The following CTNND2 variants were observed in gnomAD, a reference collection of about 807,000 sequenced individuals.
CTNND2 encodes the protein catenin delta 2, also known as catenin delta-2.
A neutral mutation model predicts 144.4 loss-of-function variants in CTNND2; 22 were observed. That is an observed-to-expected ratio of 0.15 (90% CI 0.11 to 0.22). The LOEUF is 0.22. Among genes scored for constraint, CTNND2 ranks in the 10% least tolerant of loss-of-function variants. The pLI is 1.00. For missense variants in CTNND2, 1,353 were observed against 1,618.8 expected (o/e 0.84, Z 2.82); for synonymous variants, 751 against 695.6 (o/e 1.08, Z -1.25).
intron 9 of CTNND2, among the ~76,000 whole-genome samples, chr5:11,243,046 T>A (rs1742623303): frequency 1.3e-5 from 2 of 152,362 alleles, no homozygotes; most frequent in African/African-American, 4.8e-5. Context: ...ATCTATGTAA[T>A]ACCGCTGAAG....
chr5:11,836,346 T>A (rs577617596), intron 1 of CTNND2, among the ~76,000 whole-genome samples: 1 of 152,260 alleles, frequency 6.6e-6, no homozygotes, highest in East Asian at 1.9e-4. Flanking sequence ...CTGAGAAAAC[T>A]TGAGAATTAG....
intron 6 of CTNND2, among the ~76,000 whole-genome samples, chr5:11,392,587 T>C (rs1232558145): frequency 1.3e-5 from 2 of 152,200 alleles, no homozygotes; most frequent in Non-Finnish European, 2.9e-5. Flanking sequence ...GTTTCCATTA[T>C]TGAAGCCAAA....
chr5:11,834,342 A>G (rs1400186583), intron 1 of CTNND2, among the ~76,000 whole-genome samples: 1 of 152,202 alleles, frequency 6.6e-6, no homozygotes, highest in Non-Finnish European at 1.5e-5. Flanking sequence ...GATCTTTTCT[A>G]TGCATTCTAA....
intron 9 of CTNND2, among the ~76,000 whole-genome samples, chr5:11,239,214 C>T (rs1356078948): frequency 1.3e-5 from 2 of 152,268 alleles, no homozygotes; most frequent in Non-Finnish European, 2.9e-5. Flanking sequence ...GCCAAGTGCA[C>T]CTTTTGAACA....
chr5:11,819,455 A>G (rs962631969), intron 1 of CTNND2, among the ~76,000 whole-genome samples: 5 of 152,114 alleles, frequency 3.3e-5, no homozygotes, highest in Admixed American at 6.5e-5. Context: ...ACAGACAGAC[A>G]GACAGACCTC....
At chr5:11,789,470 T>C (rs1791020585) in intron 1 of CTNND2, among the ~76,000 whole-genome samples, 1 of 152,222 alleles carries the variant, frequency 6.6e-6, no homozygotes, top group Non-Finnish European at 1.5e-5. Context: ...ATTTTATTTA[T>C]GCATCTTATA....
intron 9 of CTNND2, among the ~76,000 whole-genome samples, chr5:11,300,979 C>T (rs1044077822): frequency 2.6e-5 from 4 of 152,134 alleles, no homozygotes; most frequent in Non-Finnish European, 4.4e-5. Flanking sequence ...GAAACAAGAA[C>T]TGGTATCTCA....
chr5:11,118,487 T>C (rs963115197), intron 12 of CTNND2, among the ~76,000 whole-genome samples: 12 of 152,214 alleles, frequency 7.9e-5, no homozygotes, highest in African/African-American at 2.9e-4. Context: ...AGCATCGGAA[T>C]CCTCTGGAGG....
At chr5:11,724,319 T>C (rs1343710468) in intron 2 of CTNND2, among the ~76,000 whole-genome samples, 1 of 152,054 alleles carries the variant, frequency 6.6e-6, no homozygotes, top group Admixed American at 6.6e-5. Flanking sequence ...AGGGATGAGG[T>C]GTTGTTTTCA....
At position 11,590,793 on chromosome 5, in the gene CTNND2, C is replaced by T. The variant is rs1256629446; in HGVS notation, c.175-25737G>A. ...AAAAAAACTGCTCCTAACTCCACCA[C>T]CTATCCCAAACCTATAAACTAATGA... On this transcript the variant is annotated intron_variant, in intron 2 of 21. Coordinates refer to ENST00000304623, the MANE Select transcript of CTNND2 (RefSeq NM_001332.4). Among the ~76,000 whole-genome samples, 7 of 152,234 alleles carry T rather than the reference C, an allele frequency of 4.6e-5. No individual in the cohort carries two copies. In the South Asian group the frequency reaches 1.0e-3, roughly 23 times the overall value.
intron 12 of CTNND2, among the ~76,000 whole-genome samples, chr5:11,144,236 T>C (rs1420890249): frequency 6.6e-6 from 1 of 152,196 alleles, no homozygotes; most frequent in Non-Finnish European, 1.5e-5. Context: ...TTAAGTTCCA[T>C]TTGTCTGTTT....
rs557819410 is a variant in CTNND2 at position 11,240,476 on chromosome 5, TAC to T, written c.1629-3655_1629-3654del. Among the ~76,000 whole-genome samples, 217 of 56,414 alleles carry T rather than the reference TAC, an allele frequency of 3.8e-3. 1 individual carries two copies. The highest frequency in any genetic ancestry group is 0.015 in the African/African-American group (213 of 14,326). 37.0% of individuals were successfully genotyped at this position (56,414 alleles called of 152,430 possible). A position where few individuals can be genotyped will look rare whatever the true frequency, so the allele number is the denominator to read the frequency against. ...ACACCCCCCAACACACACACTCACA[TAC>T]ACTCAAACACACACCCAACACACAC... On this transcript the variant is annotated intron_variant, in intron 9 of 21. Transcript: ENST00000304623.
intron 9 of CTNND2, among the ~76,000 whole-genome samples, chr5:11,326,753 G>T (rs545455121): frequency 6.6e-6 from 1 of 152,254 alleles, no homozygotes; most frequent in East Asian, 1.9e-4. Flanking sequence ...TGAGGCAGAA[G>T]GAAAAGAGCT....
chr5:11,626,928 C>T (rs906635106), intron 2 of CTNND2, among the ~76,000 whole-genome samples: 1 of 152,048 alleles, frequency 6.6e-6, no homozygotes, highest in Non-Finnish European at 1.5e-5. Flanking sequence ...TTTTGGTGTG[C>T]TGGAGGCTCT....
At chr5:11,697,051 A>G (rs1483372162) in intron 2 of CTNND2, among the ~76,000 whole-genome samples, 1 of 152,252 alleles carries the variant, frequency 6.6e-6, no homozygotes, top group African/African-American at 2.4e-5. Context: ...TTCAGCCATT[A>G]TAGGTAATGT....
intron 11 of CTNND2, among the ~76,000 whole-genome samples, chr5:11,182,187 GT>G (rs1470874398): frequency 6.8e-6 from 1 of 147,334 alleles, no homozygotes; most frequent in African/African-American, 2.5e-5. Context: ...TGTGGTGTGT[GT>G]GGGGTATGTG....
intron 3 of CTNND2, among the ~76,000 whole-genome samples, chr5:11,556,679 T>C (rs1410184392): frequency 6.6e-6 from 1 of 152,192 alleles, no homozygotes; most frequent in Non-Finnish European, 1.5e-5. Flanking sequence ...GAGAATGGCC[T>C]TTGATAGTAT....
intron 3 of CTNND2, among the ~76,000 whole-genome samples, chr5:11,558,867 G>A (rs574498681): frequency 2.6e-5 from 4 of 152,278 alleles, no homozygotes; most frequent in African/African-American, 9.6e-5. Context: ...TATGACGTGA[G>A]AATACTTACC....
rs533382338 is a variant in CTNND2, at chr5:11,855,616, CTCA to C, written c.37+48198_37+48200del. On this transcript the variant is annotated intron_variant, in intron 1 of 21. Coordinates refer to ENST00000304623, the MANE Select transcript of CTNND2 (RefSeq NM_001332.4). Reference sequence around the variant, plus strand: ...ACACACAACTAAAAGCCACTTTTAACTCATCTTGAGATTATTCAGAGATTAAGT... The same window carrying C: ...ACACACAACTAAAAGCCACTTTTAACTCTTGAGATTATTCAGAGATTAAGT... Among the ~76,000 whole-genome samples the C allele has an allele frequency of 1.1e-4, 16 of 152,314 alleles. No individual in the cohort carries two copies. The South Asian group carries it at 3.3e-3, about 32-fold the overall frequency.
Sources: allele counts gnomAD v4.1 joint callset (sites outside exome capture counted in the v4.1 genomes callset), GRCh38; gene constraint gnomAD v4.1.1; transcripts MANE v1.5; gene names NCBI Gene and HGNC (gene_info 2026-07-23, HGNC 2026-07-21).